Variants in RNF169 observed in about 807,000 individuals in gnomAD.
RNF169 encodes the protein ring finger protein 169, also known as E3 ubiquitin-protein ligase RNF169.
RNF169 carries 24 observed loss-of-function variants against 53.9 expected under a neutral mutation model. That is an observed-to-expected ratio of 0.45 (90% CI 0.32 to 0.63). The LOEUF (loss-of-function observed/expected upper bound fraction) is 0.63, where lower values mean the gene tolerates loss of function less well. Ranked by LOEUF, RNF169 falls within the 20% of genes least tolerant of loss-of-function variation. The probability of loss-of-function intolerance (pLI) is 0.04; values close to 1 mark genes in which losing one functional copy is unlikely to be tolerated. For synonymous variants in RNF169, 396 were observed against 363.5 expected, an observed-to-expected ratio of 1.09 and a Z score of -1.02; for missense variants, 883 against 906.2, an observed-to-expected ratio of 0.97 and a Z score of 0.33.
Position 74,840,273 on chromosome 11 carries a change from G to T in RNF169, c.*3543G>T, listed in dbSNP as rs1490868016. On this transcript the variant is annotated 3_prime_UTR_variant, in exon 6 of 6. Coordinates refer to ENST00000299563, the MANE Select transcript of RNF169 (RefSeq NM_001098638.2). The stretch of plus-strand genomic sequence containing the variant: ...AATGTCTAATGGAATGCATTTGAAT[G>T]TATGTGTGGCTGGAGAGTTCATTTA... 2 of 152,204 alleles carry T rather than the reference G, an allele frequency of 1.3e-5. No individual in the cohort carries two copies. The highest frequency in any genetic ancestry group is 2.9e-5 in the Non-Finnish European group (2 of 68,046). 9.4% of individuals were successfully genotyped at this position (152,204 alleles called of 1,614,324 possible). A position where few individuals can be genotyped will look rare whatever the true frequency, so the allele number is the denominator to read the frequency against.
rs765598700 is a variant in RNF169, at chr11:74,789,614, CCTTT to C, written c.503-6_503-3del. Reference sequence around the variant, plus strand: ...TCATCTTAAAAAGTATTTTCTTTTCCCTTTCTTTCAGACTTTATATTCAGAGCAC... The same window carrying C: ...TCATCTTAAAAAGTATTTTCTTTTCCCTTTCAGACTTTATATTCAGAGCAC... On this transcript the variant is annotated splice_region_variant and splice_polypyrimidine_tract_variant and intron_variant, in intron 1 of 5. Transcript: ENST00000299563. The C allele has an allele frequency of 2.3e-5, 36 of 1,587,366 alleles. No homozygotes were observed. Among genetic ancestry groups the C allele is most frequent in the Middle Eastern group, 1.7e-4 (1 of 5,994 alleles).
At chr11:74,789,936 T>C (rs533635272) in intron 2 of RNF169, among the ~76,000 whole-genome samples, 34 of 152,360 alleles carry the variant, frequency 2.2e-4, no homozygotes, top group African/African-American at 7.7e-4. Context: ...ACAGAGCCTG[T>C]CACATGCCAG....
chr11:74,804,125 C>T (rs1251109924), intron 2 of RNF169, among the ~76,000 whole-genome samples: 1 of 152,144 alleles, frequency 6.6e-6, no homozygotes, highest in East Asian at 1.9e-4. Context: ...CTCTGGTTTC[C>T]TCCCGCATCT....
Position 74,836,719 on chromosome 11 carries a change from G to A in RNF169, c.2116G>A (p.Gly706Arg), listed in dbSNP as rs1399981872. 9.3e-6 allele frequency: 15 copies of A among 1,607,430 alleles called. No homozygotes were observed. In the Admixed American group the frequency reaches 1.0e-4, roughly 11 times the overall value. ...TCTCCTACGGTCCAGCAACATGGCC[G>A]GGGCCAAGTAGCACCTAATGAAGTG... ...QYLLRSSNMAGAK is the reference protein window; with the variant it reads ...QYLLRSSNMARAK The change falls in exon 6 of 6, where the codon GGG (glycine) becomes AGG (arginine). Residue 706 changes from glycine to arginine, a missense_variant. Transcript: ENST00000299563.
At position 74,790,365 on chromosome 11, in the gene RNF169, A is replaced by T. The variant is rs541166643; in HGVS notation, c.576+666A>T. On this transcript the variant is annotated intron_variant, in intron 2 of 5. Coordinates refer to ENST00000299563, the MANE Select transcript of RNF169 (RefSeq NM_001098638.2). ...TTATAATTGATTAATCATTCTACAT[A>T]TGGGCATCTAATATTTTATAAATGT... 4.6e-5 allele frequency among the ~76,000 whole-genome samples: 7 copies of T among 152,296 alleles called. No homozygotes were observed. The South Asian group carries it at 1.0e-3, about 23-fold the overall frequency.
At chr11:74,806,097 A>G (rs2035801946) in intron 2 of RNF169, among the ~76,000 whole-genome samples, 1 of 152,272 alleles carries the variant, frequency 6.6e-6, no homozygotes, top group East Asian at 1.9e-4. Flanking sequence ...TTTCCTGACA[A>G]TTGCTTCATA....
At position 74,841,372 on chromosome 11, in the gene RNF169, C is replaced by G. The variant is rs2036516781; in HGVS notation, c.*4642C>G. Reference sequence around the variant, plus strand: ...TCTGAAGATGATCTAGGAAATGCATCTTTATACATGATTGTTAGCTGCTGT... The same window carrying G: ...TCTGAAGATGATCTAGGAAATGCATGTTTATACATGATTGTTAGCTGCTGT... On this transcript the variant is annotated 3_prime_UTR_variant, in exon 6 of 6. Coordinates refer to ENST00000299563, the MANE Select transcript of RNF169 (RefSeq NM_001098638.2). The G allele has an allele frequency of 6.6e-6, 1 of 152,070 alleles. No homozygotes were observed. The highest frequency in any genetic ancestry group is 2.4e-5 in the African/African-American group (1 of 41,384). 9.4% of individuals were successfully genotyped at this position (152,070 alleles called of 1,614,324 possible). A position where few individuals can be genotyped will look rare whatever the true frequency, so the allele number is the denominator to read the frequency against.
At chr11:74,790,942 C>T (rs934161436) in intron 2 of RNF169, among the ~76,000 whole-genome samples, 6 of 152,196 alleles carry the variant, frequency 3.9e-5, no homozygotes, top group Non-Finnish European at 5.9e-5. Flanking sequence ...GAGTGAGGGA[C>T]GTGTTTCAGC....
intron 1 of RNF169, among the ~76,000 whole-genome samples, chr11:74,780,381 C>T (rs1248864918): frequency 2.0e-5 from 3 of 152,210 alleles, no homozygotes; most frequent in African/African-American, 7.2e-5. Context: ...CACCCTATTC[C>T]AGTCTATCTG....
intron 2 of RNF169, among the ~76,000 whole-genome samples, chr11:74,796,740 T>C (rs746085611): frequency 6.6e-6 from 1 of 152,210 alleles, no homozygotes; most frequent in Non-Finnish European, 1.5e-5. Flanking sequence ...GGTTTTTACA[T>C]TGGGAAAGGT....
chr11:74,798,416 C>T lies in RNF169; in HGVS notation c.576+8717C>T, dbSNP rs184891742. On this transcript the variant is annotated intron_variant, in intron 2 of 5. Transcript: ENST00000299563. ...TGCAATAGACTTCAGTCTCCCATAGCGCTCCCAGGCTTATTAGGAAGAGGA... is the reference window on the plus strand; with the variant it reads ...TGCAATAGACTTCAGTCTCCCATAGTGCTCCCAGGCTTATTAGGAAGAGGA... Among the ~76,000 whole-genome samples the T allele has an allele frequency of 7.5e-3, 1,146 of 152,268 alleles. 11 individuals are homozygous for T. Among genetic ancestry groups the T allele is most frequent in the Non-Finnish European group, 0.013 (861 of 68,018 alleles).
At chr11:74,821,139 T>C (rs2036004146) in intron 4 of RNF169, among the ~76,000 whole-genome samples, 1 of 152,226 alleles carries the variant, frequency 6.6e-6, no homozygotes, top group South Asian at 2.1e-4. Context: ...CACTTAAATA[T>C]GTGTTTTGAA....
chr11:74,752,300 C>T (rs568750187), intron 1 of RNF169, among the ~76,000 whole-genome samples: 4 of 150,512 alleles, frequency 2.7e-5, no homozygotes, highest in East Asian at 3.9e-4. Context: ...TTCTCACTCC[C>T]GTCAAAGATT....
At chr11:74,832,440 T>C (rs377034572) in intron 4 of RNF169, 3 of 152,186 alleles carry the variant, frequency 2.0e-5, no homozygotes, top group East Asian at 1.9e-4. Flanking sequence ...TCTGATAACG[T>C]AGGCTTGAAA....
intron 1 of RNF169, among the ~76,000 whole-genome samples, chr11:74,763,474 C>T (rs1450462464): frequency 6.6e-6 from 1 of 152,102 alleles, no homozygotes; most frequent in Non-Finnish European, 1.5e-5. Flanking sequence ...AAAGAATTGA[C>T]ATCCCAAGAA....
chr11:74,813,960 G>T (rs2035909130), intron 3 of RNF169, among the ~76,000 whole-genome samples: 1 of 152,144 alleles, frequency 6.6e-6, no homozygotes, highest in African/African-American at 2.4e-5. Context: ...AAAGTGCTGG[G>T]ATTACAGGCA....
chr11:74,756,856 T>C (rs906879383), intron 1 of RNF169, among the ~76,000 whole-genome samples: 1 of 152,124 alleles, frequency 6.6e-6, no homozygotes, highest in African/African-American at 2.4e-5. Context: ...GAGGAATTCA[T>C]CTTTGAACTT....
intron 1 of RNF169, among the ~76,000 whole-genome samples, chr11:74,777,682 C>T (rs903615366): frequency 3.3e-5 from 5 of 151,338 alleles, no homozygotes; most frequent in Non-Finnish European, 7.4e-5. Context: ...GGGTCTTGCT[C>T]TTTTGCCCAG....
At chr11:74,827,053 TC>T (rs2036108878) in intron 4 of RNF169, among the ~76,000 whole-genome samples, 1 of 152,204 alleles carries the variant, frequency 6.6e-6, no homozygotes, top group South Asian at 2.1e-4. Context: ...TGTGGGCATT[TC>T]CCTTCCACAC....
Sources: gnomAD v4.1 joint callset for allele counts (sites outside exome capture counted in the v4.1 genomes callset) on GRCh38, gnomAD v4.1.1 for gene constraint, MANE v1.5 for transcripts, NCBI Gene and HGNC (gene_info 2026-07-23, HGNC 2026-07-21) for gene names.